MECOM: variants seen among roughly 807,000 people sequenced by gnomAD.
MECOM encodes the protein MDS1 and EVI1 complex locus, also known as histone-lysine N-methyltransferase MECOM.
Under a neutral mutation model 116.3 loss-of-function variants are expected in MECOM, and 13 were observed. The ratio of observed to expected loss-of-function variants is 0.11; its 90% confidence interval spans 0.07 to 0.18. The LOEUF (loss-of-function observed/expected upper bound fraction) is 0.18. Ranked by LOEUF, MECOM falls within the 10% of genes least tolerant of loss-of-function variation. The pLI is 1.00. For missense variants in MECOM, 1,299 were observed against 1,509.0 expected, an observed-to-expected ratio of 0.86 and a Z score of 2.31; for synonymous variants, 528 against 535.2, an observed-to-expected ratio of 0.99 and a Z score of 0.19.
intron 2 of MECOM, among the ~76,000 whole-genome samples, chr3:169,197,287 A>C (rs2149439903): frequency 6.6e-6 from 1 of 151,872 alleles, no homozygotes; most frequent in East Asian, 1.9e-4. Flanking sequence ...TGTATAACAA[A>C]CCTGCACAAG....
chr3:169,289,348 C>T (rs913381296), intron 2 of MECOM, among the ~76,000 whole-genome samples: 83 of 152,174 alleles, frequency 5.5e-4, no homozygotes, highest in African/African-American at 1.9e-3. Flanking sequence ...ATTGCATTAA[C>T]TTCATTGCCC....
rs114486590 is a variant in MECOM at position 169,543,109 on chromosome 3, G to A, written c.37+120227C>T. On this transcript the variant is annotated intron_variant, in intron 1 of 16. Coordinates refer to ENST00000651503, the MANE Select transcript of MECOM (RefSeq NM_004991.4). ...TATTTTTTTAATATTTAGAGAAAAG[G>A]GAAAAAGAGGAAATCAAGTAGAGAG... Among the ~76,000 whole-genome samples the A allele has an allele frequency of 8.8e-3, 1,332 of 152,222 alleles. 16 individuals carry two copies. Among genetic ancestry groups the A allele is most frequent in the South Asian group, 0.028 (133 of 4,820 alleles).
chr3:169,171,615 T>C lies in MECOM; in HGVS notation c.376-27783A>G, dbSNP rs139139135. On this transcript the variant is annotated intron_variant, in intron 2 of 16. Coordinates refer to ENST00000651503, the MANE Select transcript of MECOM (RefSeq NM_004991.4). ...AAAATGAAAATAATTATAAATGAAA[T>C]AAATAATTATTGGAATAAATCATTT... Among the ~76,000 whole-genome samples the C allele has an allele frequency of 2.0e-4, 31 of 152,182 alleles. 1 individual carries two copies. The East Asian group carries it at 5.8e-3, about 28-fold the overall frequency.
chr3:169,571,935 G>T (rs1179547866), intron 1 of MECOM, among the ~76,000 whole-genome samples: 1 of 152,162 alleles, frequency 6.6e-6, no homozygotes, highest in Non-Finnish European at 1.5e-5. Flanking sequence ...CATGGTCAAA[G>T]ACTTCATGAC....
chr3:169,265,833 T>C (rs1282376882), intron 2 of MECOM, among the ~76,000 whole-genome samples: 2 of 152,234 alleles, frequency 1.3e-5, no homozygotes, highest in Non-Finnish European at 1.5e-5. Context: ...CCTCTGTCCC[T>C]TCTGCAGTAC....
chr3:169,408,687 T>C (rs1002156791), intron 1 of MECOM, among the ~76,000 whole-genome samples: 1 of 152,080 alleles, frequency 6.6e-6, no homozygotes, highest in African/African-American at 2.4e-5. Context: ...ACTACAGAAA[T>C]AGTAAAAAGA....
intron 1 of MECOM, among the ~76,000 whole-genome samples, chr3:169,518,303 C>G (rs548681264): frequency 2.0e-5 from 3 of 152,054 alleles, no homozygotes; most frequent in African/African-American, 7.2e-5. Context: ...AGGTATAGTA[C>G]TGGTGTTCTC....
At chr3:169,558,334 C>T (rs943490479) in intron 1 of MECOM, among the ~76,000 whole-genome samples, 2 of 152,124 alleles carry the variant, frequency 1.3e-5, no homozygotes, top group Admixed American at 1.3e-4. Context: ...TTTAGTCTTG[C>T]TCACTTATGT....
chr3:169,504,584 T>C (rs930092287), intron 1 of MECOM, among the ~76,000 whole-genome samples: 1 of 152,140 alleles, frequency 6.6e-6, no homozygotes, highest in Non-Finnish European at 1.5e-5. Context: ...ACTCAAAAAC[T>C]CAAATTCCTT....
chr3:169,343,954 T>G (rs895625404), intron 2 of MECOM, among the ~76,000 whole-genome samples: 9 of 152,176 alleles, frequency 5.9e-5, no homozygotes, highest in African/African-American at 1.9e-4. Context: ...GTATTGCTTT[T>G]CTAATACAAA....
At chr3:169,305,848 T>C (rs75235586) in intron 2 of MECOM, among the ~76,000 whole-genome samples, 1 of 152,270 alleles carries the variant, frequency 6.6e-6, no homozygotes, top group East Asian at 1.9e-4. Context: ...AGGTTTTTTT[T>C]TTTCCCCTTC....
At chr3:169,614,193 T>A (rs1769688072) in intron 1 of MECOM, among the ~76,000 whole-genome samples, 1 of 150,896 alleles carries the variant, frequency 6.6e-6, no homozygotes. Context: ...GAATTTCTGA[T>A]GAGCATAAGA....
intron 9 of MECOM, among the ~76,000 whole-genome samples, chr3:169,112,488 C>A (rs965323931): frequency 6.6e-6 from 1 of 152,124 alleles, no homozygotes; most frequent in Non-Finnish European, 1.5e-5. Flanking sequence ...ACACAAAACA[C>A]ATCTTGGATA....
chr3:169,409,206 G>A (rs1665353228), intron 1 of MECOM, among the ~76,000 whole-genome samples: 1 of 152,190 alleles, frequency 6.6e-6, no homozygotes, highest in African/African-American at 2.4e-5. Context: ...GACTCTCACA[G>A]TTCCTTTCAG....
chr3:169,228,746 C>T (rs1034423694), intron 2 of MECOM, among the ~76,000 whole-genome samples: 1 of 152,138 alleles, frequency 6.6e-6, no homozygotes, highest in South Asian at 2.1e-4. Flanking sequence ...AAAAGTGTTT[C>T]GGCTTTCTTC....
chr3:169,200,540 T>C (rs1028570905), intron 2 of MECOM, among the ~76,000 whole-genome samples: 1 of 152,064 alleles, frequency 6.6e-6, no homozygotes, highest in Non-Finnish European at 1.5e-5. Context: ...ATGAGTAAAG[T>C]GGATGTGGGC....
intron 1 of MECOM, among the ~76,000 whole-genome samples, chr3:169,524,576 T>C (rs1294498094): frequency 6.6e-6 from 1 of 152,184 alleles, no homozygotes; most frequent in Non-Finnish European, 1.5e-5. Context: ...CAACAGCATG[T>C]TTGGATTTGA....
intron 2 of MECOM, among the ~76,000 whole-genome samples, chr3:169,375,149 G>A (rs1560191734): frequency 1.3e-5 from 2 of 152,006 alleles, no homozygotes; most frequent in Non-Finnish European, 2.9e-5. Flanking sequence ...CAGGTAGAAA[G>A]AACAGTGTGT....
In MECOM at chr3:169,279,739, A is replaced by G. The variant is rs1055863986; in HGVS notation, c.375+101448T>C. Among the ~76,000 whole-genome samples, 9 of 152,206 alleles carry G rather than the reference A, an allele frequency of 5.9e-5. 1 individual carries two copies. Among genetic ancestry groups the G allele is most frequent in the African/African-American group, 1.9e-4 (8 of 41,454 alleles). ...TTTTTAACATCTTGCCCAATATTCA[A>G]TCTACATTTTACTTAGCAATTAGCT... On this transcript the variant is annotated intron_variant, in intron 2 of 16. Transcript: ENST00000651503.
Sources: allele counts gnomAD v4.1 joint callset (sites outside exome capture counted in the v4.1 genomes callset), GRCh38; gene constraint gnomAD v4.1.1; transcripts MANE v1.5; gene names NCBI Gene and HGNC (gene_info 2026-07-23, HGNC 2026-07-21).